AP1M1: variants seen among roughly 807,000 people sequenced by gnomAD.
AP1M1 encodes the protein adaptor related protein complex 1 subunit mu 1.
In AP1M1, 18 loss-of-function variants were observed where a neutral mutation model predicts 57.1. The observed-to-expected ratio is 0.32, with a 90% confidence interval of 0.22 to 0.47. AP1M1 has a LOEUF of 0.47. Ranked by LOEUF, AP1M1 falls within the 20% of genes least tolerant of loss-of-function variation. AP1M1 has a pLI of 1.00. For missense variants in AP1M1, 362 were observed against 593.5 expected, an observed-to-expected ratio of 0.61 and a Z score of 4.05; for synonymous variants, 241 against 237.9, an observed-to-expected ratio of 1.01 and a Z score of -0.12.
At chr19:16,221,110 A>G (rs928703320) in intron 5 of AP1M1, among the ~76,000 whole-genome samples, 8 of 152,114 alleles carry the variant, frequency 5.3e-5, no homozygotes, top group Non-Finnish European at 1.2e-4. Flanking sequence ...TTCCTAAAAT[A>G]TGGTTTTTTG....
chr19:16,201,829 A>T (rs1008166260), intron 1 of AP1M1, among the ~76,000 whole-genome samples: 1 of 152,220 alleles, frequency 6.6e-6, no homozygotes, highest in Admixed American at 6.5e-5. Flanking sequence ...AGGCTGGAGC[A>T]GAGTGAACCA....
intron 5 of AP1M1, among the ~76,000 whole-genome samples, chr19:16,223,971 C>T (rs367987341): frequency 1.3e-5 from 2 of 152,176 alleles, no homozygotes; most frequent in Non-Finnish European, 2.9e-5. Context: ...ACTCAGGTCC[C>T]GTTTCTGACG....
intron 9 of AP1M1, among the ~76,000 whole-genome samples, chr19:16,231,824 G>C (rs1434711457): frequency 1.3e-5 from 2 of 152,220 alleles, no homozygotes; most frequent in Non-Finnish European, 2.9e-5. Flanking sequence ...ATCATATGGT[G>C]ATTCTATTTT....
At chr19:16,200,805 G>T (rs993152021) in intron 1 of AP1M1, among the ~76,000 whole-genome samples, 2 of 152,190 alleles carry the variant, frequency 1.3e-5, no homozygotes, top group African/African-American at 4.8e-5. Context: ...AGGAGGCTGC[G>T]CTCTGGGGGG....
At position 16,234,149 on chromosome 19, in the gene AP1M1, C is replaced by G. The variant is rs754695250; in HGVS notation, c.1174-50C>G. On this transcript the variant is annotated intron_variant, in intron 10 of 11. Transcript: ENST00000291439. ...CCAGCAGGAAAGATTAAGGGGGGAC[C>G]AACAGGGCGGGAGCCTGCGGTGCTC... 6 of 1,557,338 alleles carry G rather than the reference C, an allele frequency of 3.9e-6. No homozygotes were observed. The Admixed American group carries it at 9.6e-5, about 25-fold the overall frequency.
chr19:16,231,348 A>C (rs932320747), intron 9 of AP1M1, among the ~76,000 whole-genome samples: 8 of 149,644 alleles, frequency 5.3e-5, no homozygotes, highest in African/African-American at 2.0e-4. Flanking sequence ...AGATAGATAG[A>C]TAGATATCCT....
chr19:16,222,771 C>A (rs986963479), intron 5 of AP1M1, among the ~76,000 whole-genome samples: 1 of 151,952 alleles, frequency 6.6e-6, no homozygotes, highest in African/African-American at 2.4e-5. Flanking sequence ...CCATGCCTGG[C>A]TAATTTTTTT....
At chr19:16,212,551 C>T (rs756504511) in intron 5 of AP1M1, among the ~76,000 whole-genome samples, 1 of 152,144 alleles carries the variant, frequency 6.6e-6, no homozygotes, top group African/African-American at 2.4e-5. Context: ...ACACCAGCTC[C>T]TGGCTTACTT....
rs992874672 is a variant in AP1M1 at position 16,239,053 on chromosome 19, C to T, written c.*4618C>T. On this transcript the variant is annotated 3_prime_UTR_variant, in exon 12 of 12. Coordinates refer to ENST00000291439, the MANE Select transcript of AP1M1 (RefSeq NM_032493.4). ...GGTTCAAGCAATTCTCCTGCCTCAT[C>T]CTCCTGAGTAGCTGAGATTACAGGC... 5.3e-5 allele frequency: 8 copies of T among 151,780 alleles called. No homozygotes were observed. The highest frequency in any genetic ancestry group is 1.9e-4 in the African/African-American group (8 of 41,252). 9.4% of individuals were successfully genotyped at this position (151,780 alleles called of 1,614,324 possible).
Position 16,236,792 on chromosome 19 carries a change from T to C in AP1M1, c.*2357T>C, listed in dbSNP as rs1420379444. The C allele has an allele frequency of 1.3e-5, 2 of 152,214 alleles. No homozygotes were observed. Among genetic ancestry groups the C allele is most frequent in the South Asian group, 4.1e-4 (2 of 4,834 alleles). 9.4% of individuals were successfully genotyped at this position (152,214 alleles called of 1,614,324 possible). ...CCTGGAGGGACCTAACTTCATGCCTTGTTACCTAAGATCCTCGCACACAAT... is the reference window on the plus strand; with the variant it reads ...CCTGGAGGGACCTAACTTCATGCCTCGTTACCTAAGATCCTCGCACACAAT... On this transcript the variant is annotated 3_prime_UTR_variant, in exon 12 of 12. Transcript: ENST00000291439.
Position 16,245,810 on chromosome 19 carries a change from G to A in AP1M1, c.*11375G>A, listed in dbSNP as rs2091662863. The A allele has an allele frequency of 1.3e-5, 2 of 151,822 alleles. No individual in the cohort carries two copies. The highest frequency in any genetic ancestry group is 2.9e-5 in the Non-Finnish European group (2 of 67,986). The allele number at this position is 151,822 out of a possible 1,614,324, so 9.4% of individuals were successfully genotyped here. A position where few individuals can be genotyped will look rare whatever the true frequency, so the allele number is the denominator to read the frequency against. On this transcript the variant is annotated 3_prime_UTR_variant, in exon 12 of 12. Transcript: ENST00000291439. ...GTCCTCTCTGGATTTATTACAGATTGTTTGTGGCTTTTAAAAAAAGTCATT... is the reference window on the plus strand; with the variant it reads ...GTCCTCTCTGGATTTATTACAGATTATTTGTGGCTTTTAAAAAAAGTCATT...
At chr19:16,232,128 C>T (rs1328308479) in intron 9 of AP1M1, among the ~76,000 whole-genome samples, 3 of 152,226 alleles carry the variant, frequency 2.0e-5, no homozygotes, top group Admixed American at 1.3e-4. Context: ...GCTTATGGGA[C>T]GGCAGCCTCT....
At chr19:16,210,420 GA>G (rs1397817639) in intron 5 of AP1M1, 2 of 717,752 alleles carry the variant, frequency 2.8e-6, no homozygotes, top group South Asian at 3.0e-5. Context: ...ACCTTTATAA[GA>G]AACTGCCAAA....
chr19:16,210,083 G>C (rs1264308091), intron 5 of AP1M1, among the ~76,000 whole-genome samples: 1 of 152,176 alleles, frequency 6.6e-6, no homozygotes, highest in Non-Finnish European at 1.5e-5. Context: ...TGTCACCGCA[G>C]CTGTCTTTCT....
At position 16,237,641 on chromosome 19, in the gene AP1M1, C is replaced by T. The variant is rs2091630248; in HGVS notation, c.*3206C>T. The T allele has an allele frequency of 6.8e-6, 1 of 146,740 alleles. No individual in the cohort carries two copies. The highest frequency in any genetic ancestry group is 2.2e-4 in the South Asian group (1 of 4,572). The allele number at this position is 146,740 out of a possible 1,614,324, so 9.1% of individuals were successfully genotyped here. On this transcript the variant is annotated 3_prime_UTR_variant, in exon 12 of 12. Transcript: ENST00000291439. ...CCAGCTACTTGGGAGGCTGAGGCATCAGAATCATTTGAACCCCAGGAGGCA... is the reference window on the plus strand; with the variant it reads ...CCAGCTACTTGGGAGGCTGAGGCATTAGAATCATTTGAACCCCAGGAGGCA...
chr19:16,203,528 A>T lies in AP1M1; in HGVS notation c.112A>T (p.Met38Leu). Residue 38 changes from methionine to leucine, a missense_variant, in exon 2 of 12, where the codon ATG becomes TTG. Coordinates refer to ENST00000291439, the MANE Select transcript of AP1M1 (RefSeq NM_032493.4). The surrounding 1 kb of genome is among the most constrained non-coding windows in gnomAD (Gnocchi z 4.6). Reference protein sequence around the residue: ...SEVEHFMPILMEKEEEGMLSP... With the variant: ...SEVEHFMPILLEKEEEGMLSP... ...GGTGGAGCACTTCATGCCCATCCTG[A>T]TGGAGAAGGAGGAGGAGGGGATGCT... The T allele has an allele frequency of 6.2e-7, 1 of 1,614,156 alleles. No homozygotes were observed. The highest frequency in any genetic ancestry group is 8.5e-7 in the Non-Finnish European group (1 of 1,180,018).
rs927255842 is a variant in AP1M1, at chr19:16,233,363, A to G, written c.1048-130A>G. ...CAGGGCCGAGCTTTGGCTCCCCAGC[A>G]CAGGGGCTCATGCTCCCCTCCCTGG... On this transcript the variant is annotated intron_variant, in intron 9 of 11. Coordinates refer to ENST00000291439, the MANE Select transcript of AP1M1 (RefSeq NM_032493.4). The G allele has an allele frequency of 1.7e-5, 23 of 1,323,592 alleles. No homozygotes were observed. In the African/African-American group the frequency reaches 2.2e-4, roughly 13 times the overall value. The allele number at this position is 1,323,592 out of a possible 1,614,324, so 82.0% of individuals were successfully genotyped here. A position where few individuals can be genotyped will look rare whatever the true frequency, so the allele number is the denominator to read the frequency against.
intron 5 of AP1M1, among the ~76,000 whole-genome samples, chr19:16,224,571 G>C (rs929692254): frequency 1.3e-5 from 2 of 152,238 alleles, no homozygotes; most frequent in African/African-American, 2.4e-5. Flanking sequence ...CCGGCTCTGC[G>C]TGGCTGGTCA....
In AP1M1 at chr19:16,207,424, A is replaced by G. The variant is rs1448585377; in HGVS notation, c.268-595A>G. Among the ~76,000 whole-genome samples, 1 of 151,948 alleles carries G rather than the reference A, an allele frequency of 6.6e-6. No homozygotes were observed. The highest frequency in any genetic ancestry group is 1.5e-5 in the Non-Finnish European group (1 of 67,960). ...TTCCAAGCAGAGGCCGGGTGATCAC[A>G]GTCCTGAAGCGCGCAGGGGTCAGCA... On this transcript the variant is annotated intron_variant, in intron 3 of 11. Coordinates refer to ENST00000291439, the MANE Select transcript of AP1M1 (RefSeq NM_032493.4). This position sits in a 1 kb window ranked among gnomAD's most constrained non-coding sequence, Gnocchi z 4.2.
Sources: allele counts gnomAD v4.1 joint callset (sites outside exome capture counted in the v4.1 genomes callset), GRCh38; gene constraint gnomAD v4.1.1; non-coding constraint Gnocchi (gnomAD v3.1); transcripts MANE v1.5; gene names NCBI Gene and HGNC (gene_info 2026-07-23, HGNC 2026-07-21).